The following ZCWPW1 variants were observed in gnomAD, a reference collection of about 807,000 sequenced individuals.
The protein encoded by ZCWPW1 is zinc finger CW-type PWWP domain protein 1.
A neutral mutation model predicts 81.3 loss-of-function variants in ZCWPW1; 56 were observed. The ratio of observed to expected loss-of-function variants is 0.69; its 90% CI spans 0.56 to 0.86. The LOEUF (loss-of-function observed/expected upper bound fraction) is 0.86. ZCWPW1 is among the 40% of genes least tolerant of loss of function. ZCWPW1 has a pLI of 0.00. For missense variants in ZCWPW1, 650 were observed against 769.8 expected (o/e 0.84, Z 1.84); for synonymous variants, 250 against 273.7 (o/e 0.91, Z 0.86).
chr7:100,402,180 G>T, intron 16 of ZCWPW1, 139 bp from the exon 17 acceptor site: 1 of 1,138,060 alleles, frequency 8.8e-7, no homozygotes, highest in Non-Finnish European at 1.2e-6. Flanking sequence ...GTGGCCTCTG[G>T]CTCTTTTTCA....
At chr7:100,407,438 G>T in intron 10 of ZCWPW1, 135 bp from the exon 11 acceptor site, 1 of 742,330 alleles carries the variant, frequency 1.3e-6, no homozygotes, top group East Asian at 2.8e-5. Context: ...TGTCACCCAG[G>T]CTGGAGTGCA....
At chr7:100,410,675 C>G (rs1793984488) in intron 8 of ZCWPW1, among the ~76,000 whole-genome samples, 1 of 152,180 alleles carries the variant, frequency 6.6e-6, no homozygotes, top group African/African-American at 2.4e-5. Flanking sequence ...GAACCCACTC[C>G]CACTCCTGCA....
At chr7:100,410,871 T>TCC (rs1361118922) in intron 8 of ZCWPW1, among the ~76,000 whole-genome samples, 1 of 152,222 alleles carries the variant, frequency 6.6e-6, no homozygotes, top group Non-Finnish European at 1.5e-5. Flanking sequence ...CTTTCATTCT[T>TCC]CACTCTGTTC....
rs1309415314 is a variant in ZCWPW1 at position 100,419,673 on chromosome 7, T to C, written c.239A>G (p.Lys80Arg). Residue 80 changes from lysine to arginine, a missense_variant, in exon 4 of 18, where the codon AAA (lysine) becomes AGA (arginine). Coordinates refer to ENST00000684423, the MANE Select transcript of ZCWPW1 (RefSeq NM_001386010.1). ...KNVPSREQEK[K>R]RKAQINKQAE... ...TTGCTTGTTGATTTGTGCCTTTCTT[T>C]TTTTCTCCTGTTCCCTGCTTGGAAC... 6.2e-7 allele frequency: 1 copy of C among 1,612,854 alleles called. No individual in the cohort carries two copies. The highest frequency in any genetic ancestry group is 2.2e-5 in the East Asian group (1 of 44,854).
At chr7:100,417,580 C>T (rs192281685) in intron 5 of ZCWPW1, among the ~76,000 whole-genome samples, 249 of 151,488 alleles carry the variant, frequency 1.6e-3, no homozygotes, top group African/African-American at 5.6e-3. Context: ...TTGCCAGGCA[C>T]GGTGGCATGC....
At chr7:100,420,798 A>G (rs1044462304) in intron 2 of ZCWPW1, 120 bp from the exon 3 acceptor site, 25 of 878,670 alleles carry the variant, frequency 2.8e-5, no homozygotes, top group Admixed American at 6.9e-5. Flanking sequence ...TGCATTCTTG[A>G]CCTCCTCTGT....
rs1792438567 is a variant in ZCWPW1 at position 100,403,904 on chromosome 7, C to G, written c.1322-119G>C. ...GCCTTTTGTGTACAAGTGGTATTTT[C>G]TCCATAAAATGTGATCCCAGATTTC... On this transcript the variant is annotated intron_variant, in intron 14 of 17. Coordinates refer to ENST00000684423, the MANE Select transcript of ZCWPW1 (RefSeq NM_001386010.1). The G allele has an allele frequency of 3.5e-6, 4 of 1,128,762 alleles. No individual in the cohort carries two copies. In the South Asian group the frequency reaches 5.3e-5, roughly 15 times the overall value. The allele number at this position is 1,128,762 out of a possible 1,614,324, so 69.9% of individuals were successfully genotyped here.
chr7:100,425,194 C>G (rs1563152083), intron 1 of ZCWPW1, 58 bp from the exon 2 acceptor site: 1 of 152,162 alleles, frequency 6.6e-6, no homozygotes, highest in South Asian at 2.1e-4. Flanking sequence ...TAAAATACCA[C>G]TAACTTTCTT....
At chr7:100,409,035 GATC>G (rs1452012200) in intron 9 of ZCWPW1, among the ~76,000 whole-genome samples, 1 of 152,108 alleles carries the variant, frequency 6.6e-6, no homozygotes, top group Non-Finnish European at 1.5e-5. Flanking sequence ...GGCTGGACAA[GATC>G]ATCATCATCT....
chr7:100,401,150 A>AG lies in ZCWPW1; in HGVS notation c.1813dup (p.Leu605ProfsTer2), dbSNP rs781149907. 1.2e-6 allele frequency: 2 copies of AG among 1,614,232 alleles called. No homozygotes were observed. The highest frequency in any genetic ancestry group is 4.5e-5 in the East Asian group (2 of 44,882). ...CAGGTCACTGGAGGCTTCGTCCTCA[A>AG]GGGGGACACTTCCAGCCTCCTGGGT... On this transcript the variant is annotated frameshift_variant, in exon 18 of 18. Transcript: ENST00000684423. LOFTEE classifies it low-confidence loss of function (END_TRUNC).
chr7:100,418,449 A>G (rs1311735551), intron 5 of ZCWPW1, among the ~76,000 whole-genome samples: 1 of 152,138 alleles, frequency 6.6e-6, no homozygotes, highest in African/African-American at 2.4e-5. Flanking sequence ...CCATGAGTTC[A>G]AGACCAGCCT....
intron 8 of ZCWPW1, among the ~76,000 whole-genome samples, chr7:100,412,362 C>G (rs67471932): frequency 0.17 from 26,584 of 152,046 alleles, 2,425 homozygotes; most frequent in Non-Finnish European, 0.2. Context: ...CTGAATGCTT[C>G]ATCTTATATT....
chr7:100,420,379 AT>A (rs1237738373), intron 3 of ZCWPW1, among the ~76,000 whole-genome samples: 1 of 152,202 alleles, frequency 6.6e-6, no homozygotes, highest in East Asian at 1.9e-4. Flanking sequence ...AACTGGTGGC[AT>A]TTACCACATT....
At chr7:100,407,006 A>C (rs1282248710) in intron 11 of ZCWPW1, among the ~76,000 whole-genome samples, 2 of 152,194 alleles carry the variant, frequency 1.3e-5, no homozygotes, top group Non-Finnish European at 2.9e-5. Context: ...CGTATTTATC[A>C]AAACCACTAA....
chr7:100,422,452 G>A (rs746836954), intron 2 of ZCWPW1, among the ~76,000 whole-genome samples: 27 of 152,226 alleles, frequency 1.8e-4, no homozygotes, highest in African/African-American at 6.3e-4. Context: ...TATCTACACA[G>A]CTACAAGCTA....
chr7:100,401,273 T>C lies in ZCWPW1; in HGVS notation c.1691A>G (p.Lys564Arg). The C allele has an allele frequency of 6.2e-7, 1 of 1,604,794 alleles. No homozygotes were observed. Among genetic ancestry groups the C allele is most frequent in the South Asian group, 1.1e-5 (1 of 89,964 alleles). Reference sequence around the variant, plus strand: ...GTTCTTTGGCACTGTTCTAACTTCTTTTCCCTCTGAAAAGCTGGCTGCCAA... The same window carrying C: ...GTTCTTTGGCACTGTTCTAACTTCTCTTCCCTCTGAAAAGCTGGCTGCCAA... ...KALAASFSEG[K>R]EVRTVPKNLG... Residue 564 changes from lysine to arginine, a missense_variant, in exon 18 of 18, where the codon AAA becomes AGA. Transcript: ENST00000684423.
chr7:100,400,952 T>C lies in ZCWPW1; in HGVS notation c.*62A>G, dbSNP rs1381609201. On this transcript the variant is annotated 3_prime_UTR_variant, in exon 18 of 18. Coordinates refer to ENST00000684423, the MANE Select transcript of ZCWPW1 (RefSeq NM_001386010.1). ...ATAGCCAATGAACAGACCCAGCACT[T>C]AGCAACTTCTCCCTCCTGCGCCCCA... 3 of 1,499,188 alleles carry C rather than the reference T, an allele frequency of 2.0e-6. No individual in the cohort carries two copies. Among genetic ancestry groups the C allele is most frequent in the African/African-American group, 2.8e-5 (2 of 71,442 alleles). 92.9% of individuals were successfully genotyped at this position (1,499,188 alleles called of 1,614,324 possible).
At chr7:100,420,598 G>A (rs369201672) in intron 3 of ZCWPW1, 24 bp downstream of exon 3, 15 of 1,613,758 alleles carry the variant, frequency 9.3e-6, no homozygotes, top group South Asian at 4.4e-5. Flanking sequence ...TGTATGAAGC[G>A]AACCTCCCTC....
At chr7:100,424,765 T>A (rs1003971359) in intron 2 of ZCWPW1, among the ~76,000 whole-genome samples, 1 of 152,128 alleles carries the variant, frequency 6.6e-6, no homozygotes, top group African/African-American at 2.4e-5. Context: ...CGGCCGAAAT[T>A]CTTTAAGTAA....
Sources: allele counts gnomAD v4.1 joint callset (sites outside exome capture counted in the v4.1 genomes callset), GRCh38; gene constraint gnomAD v4.1.1; transcripts MANE v1.5; gene names NCBI Gene and HGNC (gene_info 2026-07-23, HGNC 2026-07-21).